PHYKPL: variants seen among roughly 807,000 people sequenced by gnomAD.
PHYKPL encodes 5-phosphonooxy-L-lysine phospho-lyase.
PHYKPL carries 42 observed loss-of-function variants against 51.3 expected under a neutral mutation model. The ratio of observed to expected loss-of-function variants is 0.82; its 90% CI spans 0.64 to 1.06. The LOEUF is 1.06. Ranked by LOEUF, PHYKPL falls within the 50% of genes least tolerant of loss-of-function variation. PHYKPL has a pLI of 0.00. For missense variants in PHYKPL, 655 were observed against 586.6 expected (o/e 1.12, Z -1.20); for synonymous variants, 264 against 236.0 (o/e 1.12, Z -1.09).
At chr5:178,210,228 A>T (rs758451196) in intron 12 of PHYKPL, 1 of 1,613,186 alleles carries the variant, frequency 6.2e-7, no homozygotes, top group Non-Finnish European at 8.5e-7. Flanking sequence ...GGCTACGACT[A>T]CTCGCCCTAT....
At chr5:178,228,600 A>G in intron 3 of PHYKPL, 2 of 702,576 alleles carry the variant, frequency 2.8e-6, no homozygotes, top group Non-Finnish European at 5.2e-6. Context: ...CTGTAAAATG[A>G]AGATGGTGAA....
chr5:178,232,145 G>A, intron 1 of PHYKPL: 5 of 1,195,508 alleles, frequency 4.2e-6, no homozygotes, highest in Non-Finnish European at 5.2e-6. Flanking sequence ...CCCTGGGTGA[G>A]GTCCTCTCAG....
intron 6 of PHYKPL, 132 bp downstream of exon 6, chr5:178,224,316 C>G: frequency 9.8e-7 from 1 of 1,020,238 alleles, no homozygotes; most frequent in Non-Finnish European, 1.4e-6. Context: ...CCAAACTGCC[C>G]CTATCCCAGA....
intron 8 of PHYKPL, 44 bp from the exon 9 acceptor site, chr5:178,215,474 GGCCATGC>G: frequency 6.3e-7 from 1 of 1,576,814 alleles, no homozygotes; most frequent in Non-Finnish European, 8.6e-7. Context: ...TGGCAGAGTG[GGCCATGC>G]CCCAGAGTGA....
At chr5:178,215,891 C>T (rs1759678825) in intron 8 of PHYKPL, 1 of 156,164 alleles carries the variant, frequency 6.4e-6, no homozygotes, top group Non-Finnish European at 1.4e-5. Context: ...CCCTCGCCCA[C>T]CCTGTCCTCA....
chr5:178,210,120 C>T, intron 12 of PHYKPL: 3 of 1,613,910 alleles, frequency 1.9e-6, no homozygotes, highest in Non-Finnish European at 2.5e-6. Flanking sequence ...CTGTGCCCTG[C>T]TCCCCCCACA....
chr5:178,224,362 TG>T, intron 6 of PHYKPL, 85 bp downstream of exon 6: 2 of 1,384,566 alleles, frequency 1.4e-6, no homozygotes, highest in Non-Finnish European at 2.0e-6. Context: ...GTTTTCTCTC[TG>T]GGTTCCCAGC....
rs759376565 is a variant in PHYKPL, at chr5:178,231,494, T to A, written c.89A>T (p.Asp30Val). ...SSSCRLFFPE[D>V]PVKIVRAQGQ... ...TTGGGCCCGGACAATCTTAACAGGA[T>A]CCTCGGGAAAAAAGAGTCTGCAGGA... is the stretch of plus-strand genomic sequence containing the variant. Residue 30 changes from aspartate (D) to valine (V), a missense_variant, in exon 2 of 13, where the codon GAT (aspartate) becomes GTT (valine). By Grantham distance (152) the Asp-to-Val change is radical (BLOSUM62 -3). Transcript: ENST00000308158. 6.2e-7 allele frequency: 1 copy of A among 1,613,966 alleles called. No homozygotes were observed. The highest frequency in any genetic ancestry group is 8.5e-7 in the Non-Finnish European group (1 of 1,180,016).
At chr5:178,215,178 G>T in intron 9 of PHYKPL, 98 bp downstream of exon 9, 1 of 1,574,428 alleles carries the variant, frequency 6.4e-7, no homozygotes. Flanking sequence ...CTTGAGAGCG[G>T]ACATAACCCC....
chr5:178,231,606 C>A, intron 1 of PHYKPL, 83 bp from the exon 2 acceptor site: 3 of 1,602,668 alleles, frequency 1.9e-6, no homozygotes, highest in South Asian at 2.2e-5. Flanking sequence ...CCGCCCACCC[C>A]TTCCCAGTTT....
intron 12 of PHYKPL, among the ~76,000 whole-genome samples, chr5:178,209,953 C>T (rs1020398728): frequency 1.3e-5 from 2 of 149,706 alleles, no homozygotes; most frequent in Non-Finnish European, 3.0e-5. Flanking sequence ...TGATCCTCTG[C>T]TTGGGTCTCT....
At position 178,209,295 on chromosome 5, in the gene PHYKPL, C is replaced by T. The variant is rs146320282; in HGVS notation, c.*32-380G>A. 9.0e-6 allele frequency: 14 copies of T among 1,559,456 alleles called. No individual in the cohort carries two copies. The East Asian group carries it at 2.7e-4, about 30-fold the overall frequency. On this transcript the variant is annotated intron_variant, in intron 12 of 12. Coordinates refer to ENST00000308158, the MANE Select transcript of PHYKPL (RefSeq NM_153373.4). ...TGGGCAGTCACTGCCCTGAGTTTGT[C>T]CTACTGGCCTGACCACTGTCCTCTT...
In PHYKPL at chr5:178,215,606, G is replaced by A. The variant is rs1195881058; in HGVS notation, c.928-176C>T. The A allele has an allele frequency of 3.6e-5, 25 of 695,520 alleles. No individual in the cohort carries two copies. In the Admixed American group the frequency reaches 8.2e-4, roughly 23 times the overall value. The allele number at this position is 695,520 out of a possible 1,614,324, so 43.1% of individuals were successfully genotyped here. A position where few individuals can be genotyped will look rare whatever the true frequency, so the allele number is the denominator to read the frequency against. ...TAGTAAGTGGGGTTCAACATGGGCTGTCCTGGCTTTCCAGGAGCTAATGTG... is the reference window on the plus strand; with the variant it reads ...TAGTAAGTGGGGTTCAACATGGGCTATCCTGGCTTTCCAGGAGCTAATGTG... On this transcript the variant is annotated intron_variant, in intron 8 of 12. Transcript: ENST00000308158.
chr5:178,232,188 G>A (rs1306139561), intron 1 of PHYKPL: 1 of 1,236,230 alleles, frequency 8.1e-7, no homozygotes, highest in Non-Finnish European at 1.0e-6. Flanking sequence ...CGGAGTAAAG[G>A]CTGCCAAGCG....
intron 3 of PHYKPL, among the ~76,000 whole-genome samples, chr5:178,229,290 T>C (rs188222371): frequency 5.9e-4 from 90 of 152,190 alleles, no homozygotes; most frequent in African/African-American, 2.1e-3. Context: ...GTATTTTTAG[T>C]AGAGACGGGG....
At chr5:178,232,394 C>A in intron 1 of PHYKPL, 98 bp downstream of exon 1, 1 of 1,325,200 alleles carries the variant, frequency 7.5e-7, no homozygotes, top group Non-Finnish European at 9.6e-7. Flanking sequence ...GCTTCCTAGC[C>A]GGAGGCGCGT....
At chr5:178,228,263 A>G in intron 3 of PHYKPL, 1 of 464,042 alleles carries the variant, frequency 2.2e-6, no homozygotes. Context: ...GGAATCAGCA[A>G]AGAAGACAGG....
At chr5:178,217,155 AATC>A (rs1465731076) in intron 8 of PHYKPL, among the ~76,000 whole-genome samples, 1 of 152,238 alleles carries the variant, frequency 6.6e-6, no homozygotes, top group African/African-American at 2.4e-5. Flanking sequence ...AATTATTAAA[AATC>A]AATCAGAAAA....
intron 4 of PHYKPL, chr5:178,225,144 C>G (rs1762036684): frequency 5.0e-6 from 3 of 605,478 alleles, no homozygotes; most frequent in Non-Finnish European, 8.8e-6. Flanking sequence ...AAAGCGCACT[C>G]TGCTCCCCAG....
Sources: allele counts gnomAD v4.1 joint callset (sites outside exome capture counted in the v4.1 genomes callset), GRCh38; gene constraint gnomAD v4.1.1; transcripts MANE v1.5; gene names NCBI Gene and HGNC (gene_info 2026-07-23, HGNC 2026-07-21).